The following SIM2 variants were observed in gnomAD, a reference collection of about 807,000 sequenced individuals.
SIM2 encodes the protein single-minded homolog 2.
In SIM2, 28 loss-of-function variants were observed where a neutral mutation model predicts 64.8. The ratio of observed to expected loss-of-function variants is 0.43; its 90% CI spans 0.32 to 0.59. The LOEUF is 0.59. Among genes scored for constraint, SIM2 ranks in the 20% least tolerant of loss-of-function variants. The probability of loss-of-function intolerance (pLI) is 0.07; values close to 1 mark genes in which losing one functional copy is unlikely to be tolerated. For synonymous variants in SIM2, 408 were observed against 391.1 expected (o/e 1.04, Z -0.51); for missense variants, 847 against 871.4 (o/e 0.97, Z 0.35).
chr21:36,701,002 C>T lies in SIM2; in HGVS notation c.175+1081C>T, dbSNP rs144075822. Among the ~76,000 whole-genome samples the T allele has an allele frequency of 5.9e-3, 899 of 152,384 alleles. 8 individuals carry two copies. Among genetic ancestry groups the T allele is most frequent in the African/African-American group, 0.02 (832 of 41,600 alleles). The stretch of plus-strand genomic sequence containing the variant: ...GGCCAGGCACCTCCGAGCAGCAGGT[C>T]TGAGCGTTTTTGGCGTCCCAAGCGT... On this transcript the variant is annotated intron_variant, in intron 1 of 10. Transcript: ENST00000290399.
rs145360261 is a variant in SIM2 at position 36,741,802 on chromosome 21, C to G, written c.936C>G (p.Thr312=). ...GGGTGTGGGTGCAGAGCTACGCCAC[C>G]GTGGTGCACAACAGCCGCTCGTCCC... ...GGWVWVQSYA[T]VVHNSRSSRP... Residue 312 remains threonine (T), a synonymous_variant, in exon 8 of 11, where the codon ACC becomes ACG. Transcript: ENST00000290399. 3.7e-6 allele frequency: 6 copies of G among 1,611,798 alleles called. No homozygotes were observed. In the African/African-American group the frequency reaches 6.7e-5, roughly 18 times the overall value.
At chr21:36,731,791 GGC>G (rs2088971945) in intron 7 of SIM2, among the ~76,000 whole-genome samples, 2 of 152,184 alleles carry the variant, frequency 1.3e-5, no homozygotes. Context: ...TGCCAACGGA[GGC>G]GGTTTGGGAA....
intron 4 of SIM2, among the ~76,000 whole-genome samples, chr21:36,722,470 G>A (rs2088835855): frequency 6.6e-6 from 1 of 152,200 alleles, no homozygotes; most frequent in Non-Finnish European, 1.5e-5. Context: ...CTCTATTTGT[G>A]TCTTAGAGTG....
chr21:36,748,170 G>T lies in SIM2; in HGVS notation c.*78G>T. 3.2e-6 allele frequency: 2 copies of T among 631,316 alleles called. No homozygotes were observed. Among genetic ancestry groups the T allele is most frequent in the Admixed American group, 5.6e-5 (1 of 17,792 alleles). 39.1% of individuals were successfully genotyped at this position (631,316 alleles called of 1,614,324 possible). On this transcript the variant is annotated 3_prime_UTR_variant, in exon 11 of 11. Transcript: ENST00000290399. ...GCCACCGAGCCCGGCAAATGCGCACGACCTACATTAATTTATGCAGAGACA... is the reference window on the plus strand; with the variant it reads ...GCCACCGAGCCCGGCAAATGCGCACTACCTACATTAATTTATGCAGAGACA...
At chr21:36,723,602 C>T (rs371938417) in intron 5 of SIM2, among the ~76,000 whole-genome samples, 2 of 152,286 alleles carry the variant, frequency 1.3e-5, no homozygotes, top group East Asian at 1.9e-4. Flanking sequence ...CTTTCATCTG[C>T]GGCACCACAC....
In SIM2 at chr21:36,745,861, G is replaced by A. The variant is rs1310594881; in HGVS notation, c.1576+725G>A. 8.4e-6 allele frequency: 11 copies of A among 1,302,982 alleles called. No individual in the cohort carries two copies. Among genetic ancestry groups the A allele is most frequent in the East Asian group, 5.6e-5 (1 of 17,956 alleles). The allele number at this position is 1,302,982 out of a possible 1,614,324, so 80.7% of individuals were successfully genotyped here. A position where few individuals can be genotyped will look rare whatever the true frequency, so the allele number is the denominator to read the frequency against. ...GACGCAGACTGACTCCTGTTTGCTC[G>A]CTGGACCAACCCCAGGCAGAAGGTG... On this transcript the variant is annotated intron_variant, in intron 10 of 10. Transcript: ENST00000290399. This position sits in a 1 kb window ranked among gnomAD's most constrained non-coding sequence, Gnocchi z 4.8.
At chr21:36,703,604 A>G (rs557561897) in intron 1 of SIM2, among the ~76,000 whole-genome samples, 139 of 152,224 alleles carry the variant, frequency 9.1e-4, no homozygotes, top group African/African-American at 3.2e-3. Context: ...GAACTAATAC[A>G]TTGGAGGTAG....
chr21:36,728,579 A>G (rs1318466361), intron 6 of SIM2, among the ~76,000 whole-genome samples: 1 of 152,236 alleles, frequency 6.6e-6, no homozygotes, highest in Non-Finnish European at 1.5e-5. Context: ...TTCCTGCCAT[A>G]TCAGGAAACT....
At chr21:36,728,578 T>C (rs2088925231) in intron 6 of SIM2, among the ~76,000 whole-genome samples, 1 of 152,214 alleles carries the variant, frequency 6.6e-6, no homozygotes. Context: ...GTTCCTGCCA[T>C]ATCAGGAAAC....
chr21:36,747,618 G>A lies in SIM2; in HGVS notation c.1577-47G>A, dbSNP rs900410203. 1 of 1,183,818 alleles carries A rather than the reference G, an allele frequency of 8.4e-7. No individual in the cohort carries two copies. The highest frequency in any genetic ancestry group is 1.6e-5 in the African/African-American group (1 of 62,440). 73.3% of individuals were successfully genotyped at this position (1,183,818 alleles called of 1,614,324 possible). Reference sequence around the variant, plus strand: ...CCCGGGGCTTGGGGGTGGGGTGGCTGCGGCCGCGCCCCTTGCTGCCCTCTA... The same window carrying A: ...CCCGGGGCTTGGGGGTGGGGTGGCTACGGCCGCGCCCCTTGCTGCCCTCTA... On this transcript the variant is annotated intron_variant, in intron 10 of 10. Transcript: ENST00000290399. This position sits in a 1 kb window ranked among gnomAD's most constrained non-coding sequence, Gnocchi z 4.5.
In SIM2 at chr21:36,745,987, G is replaced by T. The variant is rs1453433313; in HGVS notation, c.1576+851G>T. On this transcript the variant is annotated intron_variant, in intron 10 of 10. Transcript: ENST00000290399. This position sits in a 1 kb window ranked among gnomAD's most constrained non-coding sequence, Gnocchi z 4.8. ...GACCGAGATGGTGCAGATGCCTGCAGTGCCACTAAAATGTGGGTGAAGGTG... is the reference window on the plus strand; with the variant it reads ...GACCGAGATGGTGCAGATGCCTGCATTGCCACTAAAATGTGGGTGAAGGTG... 9.3e-6 allele frequency: 11 copies of T among 1,184,042 alleles called. No individual in the cohort carries two copies. The highest frequency in any genetic ancestry group is 1.2e-5 in the Non-Finnish European group (11 of 926,460). 73.3% of individuals were successfully genotyped at this position (1,184,042 alleles called of 1,614,324 possible). A position where few individuals can be genotyped will look rare whatever the true frequency, so the allele number is the denominator to read the frequency against.
chr21:36,715,441 A>G (rs2088734360), intron 3 of SIM2, among the ~76,000 whole-genome samples: 1 of 152,226 alleles, frequency 6.6e-6, no homozygotes, highest in African/African-American at 2.4e-5. Context: ...ATGGGCTTAA[A>G]CATTTTTTTT....
At position 36,732,311 on chromosome 21, in the gene SIM2, T is replaced by G. The variant is rs183597186; in HGVS notation, c.850+1160T>G. Among the ~76,000 whole-genome samples, 39 of 152,280 alleles carry G rather than the reference T, an allele frequency of 2.6e-4. No individual in the cohort carries two copies. In the East Asian group the frequency reaches 7.3e-3, roughly 29 times the overall value. The stretch of plus-strand genomic sequence containing the variant: ...TGCTTTATAATGGGGTGCAGACAGT[T>G]AGAGGAGCTGGGTCTTCTGCAGTGT... On this transcript the variant is annotated intron_variant, in intron 7 of 10. Coordinates refer to ENST00000290399, the MANE Select transcript of SIM2 (RefSeq NM_005069.6).
At chr21:36,708,374 A>G (rs2088619046) in intron 1 of SIM2, among the ~76,000 whole-genome samples, 1 of 152,220 alleles carries the variant, frequency 6.6e-6, no homozygotes, top group African/African-American at 2.4e-5. Flanking sequence ...CTGGTGCGCA[A>G]CACTGGTTGG....
At chr21:36,735,035 G>C (rs553337651) in intron 7 of SIM2, among the ~76,000 whole-genome samples, 1 of 152,354 alleles carries the variant, frequency 6.6e-6, no homozygotes, top group African/African-American at 2.4e-5. Flanking sequence ...AGCCACAAAG[G>C]GTGTTGTCCA....
intron 1 of SIM2, among the ~76,000 whole-genome samples, chr21:36,704,452 G>C (rs1467032412): frequency 2.0e-5 from 3 of 152,248 alleles, no homozygotes; most frequent in African/African-American, 7.2e-5. Context: ...GGGGATCCAG[G>C]AGGGAAAGCC....
rs1345919773 is a variant in SIM2 at position 36,699,234 on chromosome 21, GC to G, written c.-510del. On this transcript the variant is annotated 5_prime_UTR_variant, in exon 1 of 11. Transcript: ENST00000290399. The surrounding 1 kb of genome is among the most constrained non-coding windows in gnomAD (Gnocchi z 5.6). ...GCCGCCAGGAAGGGCAGGAGAGCGC[GC>G]CCGGGCCAGGGCCCGGCCCCAGCCG... 6.6e-6 allele frequency: 1 copy of G among 151,624 alleles called. No individual in the cohort carries two copies. The highest frequency in any genetic ancestry group is 1.5e-5 in the Non-Finnish European group (1 of 67,858). The allele number at this position is 151,624 out of a possible 1,614,324, so 9.4% of individuals were successfully genotyped here.
At chr21:36,702,759 C>T (rs1386689776) in intron 1 of SIM2, among the ~76,000 whole-genome samples, 2 of 151,770 alleles carry the variant, frequency 1.3e-5, no homozygotes, top group Non-Finnish European at 2.9e-5. Flanking sequence ...GGTGGTGGCC[C>T]TAGGGAGGTT....
At position 36,749,782 on chromosome 21, in the gene SIM2, T is replaced by C. The variant is rs2089312846; in HGVS notation, c.*1690T>C. ...ATACCACCGACATTTTTCAATAAAG[T>C]ACTGCAAAATGCTTTTGTGTCTACC... On this transcript the variant is annotated 3_prime_UTR_variant, in exon 11 of 11. Coordinates refer to ENST00000290399, the MANE Select transcript of SIM2 (RefSeq NM_005069.6). 1 of 152,236 alleles carries C rather than the reference T, an allele frequency of 6.6e-6. No homozygotes were observed. The highest frequency in any genetic ancestry group is 1.5e-5 in the Non-Finnish European group (1 of 68,038). The allele number at this position is 152,236 out of a possible 1,614,324, so 9.4% of individuals were successfully genotyped here.
Sources: allele counts gnomAD v4.1 joint callset (sites outside exome capture counted in the v4.1 genomes callset), GRCh38; gene constraint gnomAD v4.1.1; non-coding constraint Gnocchi (gnomAD v3.1); transcripts MANE v1.5; gene names NCBI Gene and HGNC (gene_info 2026-07-23, HGNC 2026-07-21).